The following SLC10A7 variants were observed in gnomAD, a reference collection of about 807,000 sequenced individuals.
SLC10A7 encodes the protein sodium/bile acid cotransporter 7.
Under a neutral mutation model 43.2 loss-of-function variants are expected in SLC10A7, and 29 were observed. That is an observed-to-expected ratio of 0.67 (90% CI 0.50 to 0.92). SLC10A7 has a LOEUF of 0.92. SLC10A7 is among the 40% of genes least tolerant of loss of function. The probability of loss-of-function intolerance (pLI) is 0.00; values close to 1 mark genes in which losing one functional copy is unlikely to be tolerated. For synonymous variants in SLC10A7, 152 were observed against 144.8 expected (o/e 1.05, Z -0.35); for missense variants, 295 against 403.2 (o/e 0.73, Z 2.30).
intron 7 of SLC10A7, among the ~76,000 whole-genome samples, chr4:146,300,238 T>C (rs1731071064): frequency 6.6e-6 from 1 of 152,160 alleles, no homozygotes; most frequent in Admixed American, 6.5e-5. Flanking sequence ...GTATGGTGGC[T>C]ATGAAGTGGG....
At chr4:146,321,334 C>T (rs1249971730) in intron 6 of SLC10A7, among the ~76,000 whole-genome samples, 1 of 152,096 alleles carries the variant, frequency 6.6e-6, no homozygotes, top group African/African-American at 2.4e-5. Flanking sequence ...ACTTTAATCT[C>T]TGCCTCCATC....
At chr4:146,521,572 T>C (rs1461877207) in intron 1 of SLC10A7, 46 bp downstream of exon 1, 6 of 1,536,016 alleles carry the variant, frequency 3.9e-6, no homozygotes, top group South Asian at 1.1e-5. Context: ...ACAAATTAGT[T>C]CTGAAGTGGG....
chr4:146,349,702 T>C (rs2149740347), intron 5 of SLC10A7, among the ~76,000 whole-genome samples: 1 of 152,316 alleles, frequency 6.6e-6, no homozygotes, highest in South Asian at 2.1e-4. Context: ...AATCATGTTC[T>C]TTGCAGCAAC....
At chr4:146,293,571 T>C (rs1216251535) in intron 8 of SLC10A7, among the ~76,000 whole-genome samples, 1 of 152,188 alleles carries the variant, frequency 6.6e-6, no homozygotes, top group Non-Finnish European at 1.5e-5. Flanking sequence ...TTATACATCC[T>C]GTTTTTAAAT....
intron 3 of SLC10A7, among the ~76,000 whole-genome samples, chr4:146,506,757 TTTTTTG>T (rs892815703): frequency 3.9e-5 from 6 of 152,176 alleles, no homozygotes; most frequent in African/African-American, 7.2e-5. Flanking sequence ...TGTTTGGTTT[TTTTTTG>T]TTTTTGTTTT....
Position 146,521,861 on chromosome 4 carries a change from T to A in SLC10A7, c.-144A>T, listed in dbSNP as rs183295532. 582 of 664,402 alleles carry A rather than the reference T, an allele frequency of 8.8e-4. 2 individuals carry two copies. Among genetic ancestry groups the A allele is most frequent in the Non-Finnish European group, 1.2e-3 (460 of 385,708 alleles). 41.2% of individuals were successfully genotyped at this position (664,402 alleles called of 1,614,324 possible). A position where few individuals can be genotyped will look rare whatever the true frequency, so the allele number is the denominator to read the frequency against. ...GCAAGTCAAATTGCCGATTGTAAAG[T>A]AAAGACCTGGGGGTTGCTCCGGCGG... On this transcript the variant is annotated 5_prime_UTR_variant, in exon 1 of 12. Transcript: ENST00000335472.
chr4:146,434,905 T>C (rs114571591), intron 5 of SLC10A7, among the ~76,000 whole-genome samples: 2,666 of 152,268 alleles, frequency 0.018, 69 homozygotes, highest in African/African-American at 0.061. Flanking sequence ...AAACTGTATG[T>C]TGCAGTTACC....
chr4:146,419,204 T>C (rs183367741), intron 5 of SLC10A7, among the ~76,000 whole-genome samples: 1 of 152,248 alleles, frequency 6.6e-6, no homozygotes, highest in African/African-American at 2.4e-5. Flanking sequence ...AACTCAACCT[T>C]CAGCCCAGGA....
At chr4:146,435,432 A>G (rs1335998641) in intron 5 of SLC10A7, among the ~76,000 whole-genome samples, 2 of 152,168 alleles carry the variant, frequency 1.3e-5, no homozygotes, top group African/African-American at 4.8e-5. Context: ...ATGGAACAAA[A>G]CTTTAAAAAA....
At chr4:146,269,319 T>G (rs1398063810) in intron 10 of SLC10A7, among the ~76,000 whole-genome samples, 1 of 152,130 alleles carries the variant, frequency 6.6e-6, no homozygotes, top group Non-Finnish European at 1.5e-5. Flanking sequence ...ATTGTAGGAG[T>G]AACTAGCAAA....
chr4:146,300,797 T>C (rs1388206688), intron 7 of SLC10A7, among the ~76,000 whole-genome samples: 1 of 152,208 alleles, frequency 6.6e-6, no homozygotes, highest in Non-Finnish European at 1.5e-5. Flanking sequence ...TCAGATATGT[T>C]TTTCAGGTGA....
intron 2 of SLC10A7, 139 bp from the exon 3 acceptor site, chr4:146,510,188 G>T: frequency 1.6e-6 from 1 of 623,312 alleles, no homozygotes; most frequent in Non-Finnish European, 2.6e-6. Flanking sequence ...ATAAGTATAT[G>T]CATACAAGAC....
intron 11 of SLC10A7, among the ~76,000 whole-genome samples, chr4:146,258,030 T>G (rs1432662695): frequency 6.6e-6 from 1 of 151,904 alleles, no homozygotes; most frequent in Non-Finnish European, 1.5e-5. Context: ...TGGGAAGGAG[T>G]CAGTTCTATC....
chr4:146,455,396 C>T (rs1731957702), intron 4 of SLC10A7, among the ~76,000 whole-genome samples: 1 of 151,772 alleles, frequency 6.6e-6, no homozygotes, highest in African/African-American at 2.4e-5. Context: ...CCAAGAATTC[C>T]CCTAACACTT....
intron 9 of SLC10A7, among the ~76,000 whole-genome samples, chr4:146,284,866 C>T (rs1729786628): frequency 6.6e-6 from 1 of 151,998 alleles, no homozygotes; most frequent in African/African-American, 2.4e-5. Context: ...GATGAAAGCA[C>T]TACAGACATA....
Position 146,328,089 on chromosome 4 carries a change from C to G in SLC10A7, c.436-2093G>C, listed in dbSNP as rs1476646376. Among the ~76,000 whole-genome samples the G allele has an allele frequency of 3.9e-5, 6 of 152,276 alleles. No homozygotes were observed. In the East Asian group the frequency reaches 1.2e-3, roughly 29 times the overall value. On this transcript the variant is annotated intron_variant, in intron 5 of 11. Coordinates refer to ENST00000335472, the MANE Select transcript of SLC10A7 (RefSeq NM_001029998.6). ...CACCATTGGGAGGCCTCAAGAGAAG[C>G]CCACCCTGCCTGTTGCCTCCACTAC...
At chr4:146,333,931 C>T (rs780410777) in intron 5 of SLC10A7, among the ~76,000 whole-genome samples, 2 of 151,880 alleles carry the variant, frequency 1.3e-5, no homozygotes, top group African/African-American at 4.8e-5. Context: ...TGGGCTAAGG[C>T]GATGGGATCT....
At chr4:146,290,066 T>TGTA (rs1197390935) in intron 9 of SLC10A7, among the ~76,000 whole-genome samples, 1 of 149,382 alleles carries the variant, frequency 6.7e-6, no homozygotes, top group Non-Finnish European at 1.5e-5. Flanking sequence ...GGCTCACGCC[T>TGTA]GTAATCCCAG....
chr4:146,272,515 T>C (rs1219686030), intron 10 of SLC10A7, among the ~76,000 whole-genome samples: 1 of 152,180 alleles, frequency 6.6e-6, no homozygotes, highest in African/African-American at 2.4e-5. Flanking sequence ...TAGGCTCATG[T>C]ATTCTTTACT....
Sources: gnomAD v4.1 joint callset for allele counts (sites outside exome capture counted in the v4.1 genomes callset) on GRCh38, gnomAD v4.1.1 for gene constraint, MANE v1.5 for transcripts, NCBI Gene and HGNC (gene_info 2026-07-23, HGNC 2026-07-21) for gene names.